The following GRM8 variants were observed in gnomAD, a reference collection of about 807,000 sequenced individuals.
GRM8 encodes glutamate metabotropic receptor 8, also known as metabotropic glutamate receptor 8.
In GRM8, 47 loss-of-function variants were observed where a neutral mutation model predicts 87.2. The observed-to-expected ratio is 0.54, with a 90% confidence interval of 0.43 to 0.69. The LOEUF is 0.69. Among genes scored for constraint, GRM8 ranks in the 30% least tolerant of loss-of-function variants. The pLI is 0.00. For synonymous variants in GRM8, 396 were observed against 404.5 expected, an observed-to-expected ratio of 0.98 and a Z score of 0.25; for missense variants, 1,019 against 1,139.2, an observed-to-expected ratio of 0.89 and a Z score of 1.52.
At chr7:126,619,292 C>T (rs1186355408) in intron 7 of GRM8, among the ~76,000 whole-genome samples, 1 of 152,116 alleles carries the variant, frequency 6.6e-6, no homozygotes, top group African/African-American at 2.4e-5. Flanking sequence ...CCAAACACCG[C>T]ATGTTCTCAC....
At position 127,195,528 on chromosome 7, in the gene GRM8, T is replaced by A. The variant is rs558106286; in HGVS notation, c.510+47167A>T. 1.6e-3 allele frequency among the ~76,000 whole-genome samples: 246 copies of A among 152,286 alleles called. 3 individuals are homozygous for A. The highest frequency in any genetic ancestry group is 5.9e-3 in the African/African-American group (244 of 41,568). On this transcript the variant is annotated intron_variant, in intron 2 of 10. Transcript: ENST00000339582. ...CTTTTAGATTCAGCAACCCTAATTA[T>A]CCATTTCAGACCTGTTGAATTACTT...
rs17869425 is a variant in GRM8 at position 127,161,575 on chromosome 7, C to A, written c.511-54863G>T. Among the ~76,000 whole-genome samples the A allele has an allele frequency of 1.1e-3, 170 of 152,188 alleles. 3 individuals are homozygous for A. The East Asian group carries it at 0.03, about 27-fold the overall frequency. ...GTGTCCATGCATACACTTATGTGTG[C>A]GCATGCATGTGTACAGTAGAGCTGC... is the stretch of plus-strand genomic sequence containing the variant. On this transcript the variant is annotated intron_variant, in intron 2 of 10. Transcript: ENST00000339582.
chr7:126,921,256 A>G (rs1330677086), intron 3 of GRM8, among the ~76,000 whole-genome samples: 1 of 152,182 alleles, frequency 6.6e-6, no homozygotes, highest in African/African-American at 2.4e-5. Context: ...TAGAAATTAA[A>G]AAGGAGATGA....
At chr7:127,047,598 G>T (rs1268493865) in intron 3 of GRM8, among the ~76,000 whole-genome samples, 1 of 152,084 alleles carries the variant, frequency 6.6e-6, no homozygotes, top group Non-Finnish European at 1.5e-5. Context: ...GGAGGCTGAG[G>T]CAGGAGTATC....
intron 8 of GRM8, among the ~76,000 whole-genome samples, chr7:126,555,817 T>C (rs747670669): frequency 6.6e-6 from 1 of 152,210 alleles, no homozygotes; most frequent in Admixed American, 6.5e-5. Context: ...TGCTCTCAGA[T>C]TGAATCCCTC....
At chr7:126,683,561 T>C (rs1807851584) in intron 7 of GRM8, among the ~76,000 whole-genome samples, 1 of 152,206 alleles carries the variant, frequency 6.6e-6, no homozygotes, top group Non-Finnish European at 1.5e-5. Context: ...CTCCTAGGTG[T>C]TTCTTTCTCC....
intron 7 of GRM8, among the ~76,000 whole-genome samples, chr7:126,621,187 C>T (rs1385485906): frequency 6.6e-6 from 1 of 152,148 alleles, no homozygotes; most frequent in Admixed American, 6.5e-5. Flanking sequence ...TAAATAGATT[C>T]ACATATTTGA....
chr7:126,602,464 G>T (rs1797902318), intron 8 of GRM8, among the ~76,000 whole-genome samples: 1 of 131,310 alleles, frequency 7.6e-6, no homozygotes, highest in Non-Finnish European at 1.7e-5. Context: ...TTCCAATTCT[G>T]TGAAGAAAGT....
chr7:126,974,580 G>A (rs890971512), intron 3 of GRM8, among the ~76,000 whole-genome samples: 1 of 152,156 alleles, frequency 6.6e-6, no homozygotes, highest in African/African-American at 2.4e-5. Flanking sequence ...TAAGGTAGCT[G>A]GAGATATAAG....
At chr7:126,538,656 C>T (rs958284044) in intron 8 of GRM8, among the ~76,000 whole-genome samples, 3 of 151,854 alleles carry the variant, frequency 2.0e-5, no homozygotes, top group Non-Finnish European at 2.9e-5. Flanking sequence ...ATTTTGTTGA[C>T]TAGTTTGACA....
At chr7:126,747,816 G>C (rs1815870975) in intron 7 of GRM8, among the ~76,000 whole-genome samples, 1 of 151,756 alleles carries the variant, frequency 6.6e-6, no homozygotes. Flanking sequence ...TTTTCCTTCA[G>C]TCCAATTCTT....
At chr7:126,888,731 G>T (rs1800723567) in intron 6 of GRM8, among the ~76,000 whole-genome samples, 1 of 152,098 alleles carries the variant, frequency 6.6e-6, no homozygotes, top group Admixed American at 6.6e-5. Context: ...AGAGATCTGG[G>T]TAGGAGACAG....
intron 3 of GRM8, among the ~76,000 whole-genome samples, chr7:127,100,493 G>T (rs76158192): frequency 1.8e-3 from 277 of 152,302 alleles, no homozygotes; most frequent in Non-Finnish European, 3.1e-3. Flanking sequence ...GTATTCATCT[G>T]TTCTCACAAT....
At chr7:126,640,676 T>C (rs932378786) in intron 7 of GRM8, among the ~76,000 whole-genome samples, 2 of 152,100 alleles carry the variant, frequency 1.3e-5, no homozygotes, top group African/African-American at 4.8e-5. Flanking sequence ...ACAACGTATG[T>C]CTACTCCCCT....
intron 2 of GRM8, among the ~76,000 whole-genome samples, chr7:127,125,122 T>C (rs1827291285): frequency 6.6e-6 from 1 of 152,134 alleles, no homozygotes; most frequent in Non-Finnish European, 1.5e-5. Flanking sequence ...TCACTGGAAA[T>C]TAGCAAGCTG....
At chr7:126,682,309 A>G (rs1807676044) in intron 7 of GRM8, among the ~76,000 whole-genome samples, 1 of 152,240 alleles carries the variant, frequency 6.6e-6, no homozygotes, top group Non-Finnish European at 1.5e-5. Flanking sequence ...TGAGCAACTA[A>G]TAATGACAGC....
At chr7:126,723,219 C>G (rs1394214694) in intron 7 of GRM8, among the ~76,000 whole-genome samples, 1 of 151,794 alleles carries the variant, frequency 6.6e-6, no homozygotes, top group Admixed American at 6.6e-5. Context: ...CATTAAAAAA[C>G]ATGATGTGAA....
chr7:126,475,463 G>A (rs752018286), intron 9 of GRM8, among the ~76,000 whole-genome samples: 13 of 151,778 alleles, frequency 8.6e-5, no homozygotes, highest in Non-Finnish European at 1.6e-4. Context: ...AAAAATTGAA[G>A]AAAGACACAA....
rs1306476535 is a variant in GRM8, at chr7:126,969,011, G to A, written c.728-64328C>T. On this transcript the variant is annotated intron_variant, in intron 3 of 10. Coordinates refer to ENST00000339582, the MANE Select transcript of GRM8 (RefSeq NM_000845.3). ...ATTTCCTAGTGCATATAAAAGTAAT[G>A]TTTAGGCTATATTGTATTCCACTGA... 3.3e-5 allele frequency among the ~76,000 whole-genome samples: 5 copies of A among 152,266 alleles called. No individual in the cohort carries two copies. In the East Asian group the frequency reaches 9.6e-4, roughly 29 times the overall value.
Sources: allele counts gnomAD v4.1 joint callset (sites outside exome capture counted in the v4.1 genomes callset), GRCh38; gene constraint gnomAD v4.1.1; transcripts MANE v1.5; gene names NCBI Gene and HGNC (gene_info 2026-07-23, HGNC 2026-07-21).